THBS3: variants seen among roughly 807,000 people sequenced by gnomAD.
The protein encoded by THBS3 is thrombospondin 3, also known as thrombospondin-3.
THBS3 carries 78 observed loss-of-function variants against 118.3 expected under a neutral mutation model. That is an observed-to-expected ratio of 0.66 (90% CI 0.55 to 0.80). The LOEUF is 0.80. Ranked by LOEUF, THBS3 falls within the 30% of genes least tolerant of loss-of-function variation. The pLI, the probability that THBS3 is intolerant of heterozygous loss-of-function variation, is 0.00. For missense variants in THBS3, 1,057 were observed against 1,247.4 expected (o/e 0.85, Z 2.30); for synonymous variants, 427 against 475.3 (o/e 0.90, Z 1.32).
chr1:155,205,370 G>T, intron 2 of THBS3, 54 bp from the exon 3 acceptor site: 1 of 1,586,882 alleles, frequency 6.3e-7, no homozygotes, highest in South Asian at 1.1e-5. Context: ...CTGCCTCCCA[G>T]CTGAGCCTTG....
Position 155,197,489 on chromosome 1 carries a change from C to G in THBS3, c.2473G>C (p.Val825Leu). ...TYWQATPFRA[V>L]AQPGLQLKAV... ...TTGAGCTGCAGCCCGGGCTGGGCAACCGCCCGGAAGGGTGTAGCCTGCCAG... is the reference window on the plus strand; with the variant it reads ...TTGAGCTGCAGCCCGGGCTGGGCAAGCGCCCGGAAGGGTGTAGCCTGCCAG... The change falls in exon 20 of 23, where the codon GTT (valine) becomes CTT (leucine). Residue 825 changes from valine (V) to leucine (L), a missense_variant. Val to Leu is a conservative substitution (Grantham distance 32). Transcript: ENST00000368378. The surrounding 1 kb of genome is among the most constrained non-coding windows in gnomAD (Gnocchi z 5.0). The G allele has an allele frequency of 1.2e-6, 2 of 1,613,618 alleles. No individual in the cohort carries two copies. Among genetic ancestry groups the G allele is most frequent in the Non-Finnish European group, 1.7e-6 (2 of 1,179,988 alleles).
intron 16 of THBS3, 125 bp from the exon 17 acceptor site, chr1:155,198,727 G>C (rs1669122748): frequency 2.3e-6 from 2 of 880,832 alleles, no homozygotes; most frequent in East Asian, 4.9e-5. Context: ...TCAGCCAGGT[G>C]AGGTGAAGGT....
upstream of THBS3, chr1:155,208,729 C>A: frequency 7.1e-7 from 1 of 1,399,376 alleles, no homozygotes; most frequent in Non-Finnish European, 9.3e-7. Context: ...CTCCGGCCGC[C>A]GCCACCGCCC....
chr1:155,205,919 G>A (rs994969264), intron 2 of THBS3, among the ~76,000 whole-genome samples: 1 of 152,198 alleles, frequency 6.6e-6, no homozygotes, highest in South Asian at 2.1e-4. Context: ...TCACCGCTGA[G>A]GCACAGAGAC....
At chr1:155,208,710 C>T (rs1042765536), upstream of THBS3, 3 of 1,300,874 alleles carry the variant, frequency 2.3e-6, no homozygotes, top group Non-Finnish European at 3.1e-6. Flanking sequence ...AGCCCCAGCC[C>T]GGCCTCCGCT....
chr1:155,202,537 C>T lies in THBS3; in HGVS notation c.958-136G>A. On this transcript the variant is annotated intron_variant, in intron 8 of 22. Coordinates refer to ENST00000368378, the MANE Select transcript of THBS3 (RefSeq NM_007112.5). The surrounding 1 kb of genome is among the most constrained non-coding windows in gnomAD (Gnocchi z 5.5). The stretch of plus-strand genomic sequence containing the variant: ...ACACAACTGCCTTGTGCTCCTGGTC[C>T]CCACCCCACTTCCCTCGGGGTTCCC... 7.7e-7 allele frequency: 1 copy of T among 1,301,654 alleles called. No homozygotes were observed. The highest frequency in any genetic ancestry group is 1.0e-6 in the Non-Finnish European group (1 of 965,476). The allele number at this position is 1,301,654 out of a possible 1,614,324, so 80.6% of individuals were successfully genotyped here.
upstream of THBS3, chr1:155,209,130 C>T (rs1384451406): frequency 2.7e-5 from 41 of 1,540,924 alleles, no homozygotes; most frequent in Non-Finnish European, 3.5e-5. Flanking sequence ...AGCCTCGCCT[C>T]CCCGGGGATC....
rs564116280 is a variant in THBS3, at chr1:155,201,471, G to A, written c.1275C>T (p.Pro425=). 9 of 1,613,746 alleles carry A rather than the reference G, an allele frequency of 5.6e-6. No individual in the cohort carries two copies. The highest frequency in any genetic ancestry group is 1.1e-5 in the South Asian group (1 of 91,054). ...ARTCHSPAHS[P]CHIHAHCLFE... Reference sequence around the variant, plus strand: ...AGAGACAGTGAGCATGGATGTGGCAGGGGCTGTGGGCTGGGCTGTGGCAGG... The same window carrying A: ...AGAGACAGTGAGCATGGATGTGGCAAGGGCTGTGGGCTGGGCTGTGGCAGG... Residue 425 remains proline, a synonymous_variant, in exon 11 of 23, where the codon CCC becomes CCT. Coordinates refer to ENST00000368378, the MANE Select transcript of THBS3 (RefSeq NM_007112.5).
At chr1:155,196,503 C>T (rs1668699718) in intron 21 of THBS3, 1 of 261,340 alleles carries the variant, frequency 3.8e-6, no homozygotes, top group South Asian at 7.0e-5. Flanking sequence ...GGAACCAACC[C>T]AGGTTCCTGG....
At chr1:155,196,732 G>A in intron 21 of THBS3, 1 of 369,062 alleles carries the variant, frequency 2.7e-6, no homozygotes, top group South Asian at 5.5e-5. Flanking sequence ...TGATAAGACA[G>A]GTTCCAGGTC....
intron 1 of THBS3, among the ~76,000 whole-genome samples, chr1:155,207,157 G>T (rs1266023109): frequency 1.3e-5 from 2 of 152,166 alleles, no homozygotes; most frequent in African/African-American, 2.4e-5. Flanking sequence ...CCCATCCTAG[G>T]GGCGCAGCAC....
chr1:155,204,676 G>A (rs1363311721), intron 4 of THBS3, 179 bp downstream of exon 4: 7 of 627,220 alleles, frequency 1.1e-5, no homozygotes, highest in Admixed American at 2.9e-5. Context: ...TTTTTTTCTC[G>A]GATGGGTGTA....
intron 11 of THBS3, 51 bp downstream of exon 11, chr1:155,201,366 C>T (rs983702823): frequency 6.4e-7 from 1 of 1,570,920 alleles, no homozygotes; most frequent in Non-Finnish European, 8.6e-7. Context: ...CATAGCCCTA[C>T]TCCTTTCCCC....
At position 155,206,130 on chromosome 1, in the gene THBS3, T is replaced by C; in HGVS notation, c.286+70A>G. ...AGGCCAAGGAGAATGAGGAAGCACT[T>C]GGGAAGTAGGGATGAGGGAGAGTGC... On this transcript the variant is annotated intron_variant, in intron 2 of 22. Transcript: ENST00000368378. The surrounding 1 kb of genome is among the most constrained non-coding windows in gnomAD (Gnocchi z 4.2). 1 of 1,557,426 alleles carries C rather than the reference T, an allele frequency of 6.4e-7. No individual in the cohort carries two copies. Among genetic ancestry groups the C allele is most frequent in the Non-Finnish European group, 8.8e-7 (1 of 1,136,922 alleles).
chr1:155,209,040 T>C, upstream of THBS3: 4 of 1,554,818 alleles, frequency 2.6e-6, no homozygotes, highest in Non-Finnish European at 3.5e-6. Flanking sequence ...GTGGGCCACC[T>C]CTGGATGGGC....
At chr1:155,208,818 G>A (rs1670906157), upstream of THBS3, 2 of 1,560,888 alleles carry the variant, frequency 1.3e-6, no homozygotes, top group Non-Finnish European at 1.7e-6. Flanking sequence ...CTGCTCGGGG[G>A]ACCCCCCCGC....
intron 16 of THBS3, among the ~76,000 whole-genome samples, chr1:155,199,400 A>T (rs1669276215): frequency 7.7e-6 from 1 of 129,594 alleles, no homozygotes; most frequent in African/African-American, 3.1e-5. Context: ...ACAGAGCAAG[A>T]CTCCGTCTCA....
chr1:155,196,008 T>G lies in THBS3; in HGVS notation c.2791A>C (p.Asn931His), dbSNP rs866464342. 1.2e-6 allele frequency: 2 copies of G among 1,614,042 alleles called. No individual in the cohort carries two copies. Among genetic ancestry groups the G allele is most frequent in the Admixed American group, 1.7e-5 (1 of 60,000 alleles). ...TCACCATTGCATCGATACTGGAGAT[T>G]GGACCAAATTATGTTTTCTTGGGAG... ...CFSQENIIWS[N>H]LQYRCNDTVP... is the part of the protein sequence containing the mutation. The change falls in exon 22 of 23, where the codon AAT becomes CAT. Residue 931 changes from asparagine to histidine, a missense_variant. Transcript: ENST00000368378.
Position 155,195,816 on chromosome 1 carries a change from A to T in THBS3, c.*25T>A, listed in dbSNP as rs1399667637. 2 of 1,612,648 alleles carry T rather than the reference A, an allele frequency of 1.2e-6. No homozygotes were observed. The highest frequency in any genetic ancestry group is 1.7e-6 in the Non-Finnish European group (2 of 1,179,910). On this transcript the variant is annotated 3_prime_UTR_variant, in exon 23 of 23. Coordinates refer to ENST00000368378, the MANE Select transcript of THBS3 (RefSeq NM_007112.5). ...CAAGGCCAAAGGGTCTAAAATTCTG[A>T]ATTCTGAATCTGGTGGCCTCCTCCT... is the stretch of plus-strand genomic sequence containing the variant.
Sources: allele counts gnomAD v4.1 joint callset (sites outside exome capture counted in the v4.1 genomes callset), GRCh38; gene constraint gnomAD v4.1.1; non-coding constraint Gnocchi (gnomAD v3.1); transcripts MANE v1.5; gene names NCBI Gene and HGNC (gene_info 2026-07-23, HGNC 2026-07-21).